The following RUFY2 variants were observed in gnomAD, a reference collection of about 807,000 sequenced individuals.
RUFY2 encodes the protein RUN and FYVE domain-containing protein 2.
Under a neutral mutation model 94.4 loss-of-function variants are expected in RUFY2, and 49 were observed. The ratio of observed to expected loss-of-function variants is 0.52; its 90% CI spans 0.41 to 0.66. RUFY2 has a LOEUF of 0.66. Among genes scored for constraint, RUFY2 ranks in the 30% least tolerant of loss-of-function variants. The probability of loss-of-function intolerance (pLI) is 0.00; values close to 1 mark genes in which losing one functional copy is unlikely to be tolerated. For missense variants in RUFY2, 541 were observed against 692.8 expected (o/e 0.78, Z 2.46); for synonymous variants, 255 against 235.7 (o/e 1.08, Z -0.75).
chr10:68,389,839 A>T (rs2049846269), intron 7 of RUFY2, among the ~76,000 whole-genome samples: 2 of 152,164 alleles, frequency 1.3e-5, no homozygotes, highest in Non-Finnish European at 2.9e-5. Flanking sequence ...GTGTGAAAGT[A>T]TGCTACCTAA....
intron 15 of RUFY2, among the ~76,000 whole-genome samples, chr10:68,359,222 T>C (rs1408713474): frequency 1.3e-5 from 2 of 151,260 alleles, no homozygotes; most frequent in African/African-American, 4.9e-5. Flanking sequence ...CTACTAAAAA[T>C]ACAAAATTAG....
At chr10:68,356,422 C>G (rs780976247) in intron 15 of RUFY2, among the ~76,000 whole-genome samples, 6 of 151,984 alleles carry the variant, frequency 3.9e-5, no homozygotes, top group African/African-American at 7.2e-5. Context: ...AGGAGAATCA[C>G]TTGAACCCCG....
Position 68,404,704 on chromosome 10 carries a change from C to T in RUFY2, c.145G>A (p.Val49Ile), listed in dbSNP as rs746777571. 1 of 1,612,200 alleles carries T rather than the reference C, an allele frequency of 6.2e-7. No individual in the cohort carries two copies. Among genetic ancestry groups the T allele is most frequent in the Non-Finnish European group, 8.5e-7 (1 of 1,179,342 alleles). Residue 49 changes from valine (V) to isoleucine (I), a missense_variant, in exon 2 of 18, where the codon GTT becomes ATT. Physicochemically the swap from Val to Ile is conservative, Grantham distance 29. Transcript: ENST00000602465. ...CCGTGTTTCAGGCAATGTTCCATAA[C>T]AACAAAGAATTGCTGCAAGGGGGGA... ...DYPPLQQFFV[V>I]MEHCLKHGLK...
At chr10:68,357,375 G>A (rs941713951) in intron 15 of RUFY2, among the ~76,000 whole-genome samples, 1 of 151,568 alleles carries the variant, frequency 6.6e-6, no homozygotes, top group Admixed American at 6.6e-5. Flanking sequence ...ATTATAGGCA[G>A]TTGTCACCAC....
chr10:68,377,155 A>AT (rs375886910), intron 12 of RUFY2, 183 bp from the exon 13 acceptor site: 20,579 of 1,120,316 alleles, frequency 0.018, 1 homozygote, highest in East Asian at 0.026. Flanking sequence ...TTGTTTTGTG[A>AT]TTTTTTTTTT....
intron 3 of RUFY2, among the ~76,000 whole-genome samples, chr10:68,398,931 A>G (rs1210992128): frequency 6.6e-6 from 1 of 152,064 alleles, no homozygotes; most frequent in African/African-American, 2.4e-5. Context: ...CAAATCTTAC[A>G]TTTTTGTTTT....
At position 68,376,057 on chromosome 10, in the gene RUFY2, C is replaced by A. The variant is rs1430664875; in HGVS notation, c.1325+796G>T. Reference sequence around the variant, plus strand: ...AGAGGTTGCAGTGAGCCACCAAGGTCGTGCCATTGCACTCCAGCCTGGGCG... The same window carrying A: ...AGAGGTTGCAGTGAGCCACCAAGGTAGTGCCATTGCACTCCAGCCTGGGCG... On this transcript the variant is annotated intron_variant, in intron 13 of 17. Coordinates refer to ENST00000602465, the MANE Select transcript of RUFY2 (RefSeq NM_001330103.2). 3.5e-5 allele frequency among the ~76,000 whole-genome samples: 5 copies of A among 142,802 alleles called. No homozygotes were observed. The East Asian group carries it at 1.1e-3, about 31-fold the overall frequency. The allele number at this position is 142,802 out of a possible 152,430, so 93.7% of individuals were successfully genotyped here. A position where few individuals can be genotyped will look rare whatever the true frequency, so the allele number is the denominator to read the frequency against.
Position 68,362,101 on chromosome 10 carries a change from G to GA in RUFY2, c.1550+1488dup, listed in dbSNP as rs1469307807. On this transcript the variant is annotated intron_variant, in intron 15 of 17. Coordinates refer to ENST00000602465, the MANE Select transcript of RUFY2 (RefSeq NM_001330103.2). Reference sequence around the variant, plus strand: ...GCACTTTGGGAGGCTGAGGCAGGATGATGTCCTGAGCCCAGGAGTTCAAGA... The same window carrying GA: ...GCACTTTGGGAGGCTGAGGCAGGATGAATGTCCTGAGCCCAGGAGTTCAAGA... Among the ~76,000 whole-genome samples the GA allele has an allele frequency of 2.6e-5, 4 of 152,234 alleles. No homozygotes were observed. The South Asian group carries it at 8.3e-4, about 32-fold the overall frequency.
At chr10:68,376,465 T>C (rs1564816156) in intron 13 of RUFY2, among the ~76,000 whole-genome samples, 1 of 33,692 alleles carries the variant, frequency 3.0e-5, no homozygotes, top group Admixed American at 2.8e-4. Context: ...TATATATATA[T>C]ATATATATAT....
intron 16 of RUFY2, among the ~76,000 whole-genome samples, chr10:68,352,859 G>A (rs1218693785): frequency 6.6e-6 from 1 of 151,890 alleles, no homozygotes; most frequent in African/African-American, 2.4e-5. Context: ...GGTGGAGGTT[G>A]CAGTGAGTCA....
chr10:68,384,288 T>G, intron 8 of RUFY2, 136 bp from the exon 9 acceptor site: 1 of 1,187,506 alleles, frequency 8.4e-7, no homozygotes, highest in Non-Finnish European at 1.1e-6. Context: ...CACAGAAACG[T>G]TCATAAGGAA....
At chr10:68,354,613 C>T (rs1163174507) in intron 16 of RUFY2, among the ~76,000 whole-genome samples, 4 of 152,216 alleles carry the variant, frequency 2.6e-5, no homozygotes, top group Non-Finnish European at 5.9e-5. Context: ...GTTCCAACCA[C>T]TTTCACACAC....
chr10:68,395,906 C>T (rs1179379125), intron 4 of RUFY2, among the ~76,000 whole-genome samples: 1 of 152,200 alleles, frequency 6.6e-6, no homozygotes. Context: ...TCTAACAGAA[C>T]AAGAATGAAT....
Position 68,407,122 on chromosome 10 carries a change from C to A in RUFY2, c.4+64G>T. On this transcript the variant is annotated intron_variant, in intron 1 of 17. Transcript: ENST00000602465. ...CTCCCCCAGCTCCCAGTCCACCCCG[C>A]CTGGCCGCGGCCCTCAGCCCGGGAC... 5 of 1,515,692 alleles carry A rather than the reference C, an allele frequency of 3.3e-6. No individual in the cohort carries two copies. The South Asian group carries it at 6.1e-5, about 19-fold the overall frequency. 93.9% of individuals were successfully genotyped at this position (1,515,692 alleles called of 1,614,324 possible).
chr10:68,366,762 T>TATATATA (rs2047862403), intron 13 of RUFY2, among the ~76,000 whole-genome samples: 1 of 123,178 alleles, frequency 8.1e-6, no homozygotes, highest in African/African-American at 2.9e-5. Flanking sequence ...ATATATATAA[T>TATATATA]ATTAAATATA....
chr10:68,348,659 A>G (rs973729626), intron 16 of RUFY2, among the ~76,000 whole-genome samples: 1 of 152,190 alleles, frequency 6.6e-6, no homozygotes, highest in Non-Finnish European at 1.5e-5. Context: ...TCAGGTTCGG[A>G]AACAACCTTG....
At chr10:68,394,775 G>A (rs2050259992) in intron 4 of RUFY2, among the ~76,000 whole-genome samples, 1 of 151,584 alleles carries the variant, frequency 6.6e-6, no homozygotes, top group South Asian at 2.1e-4. Flanking sequence ...GACTACAGGT[G>A]CCCGCCACCG....
At chr10:68,401,285 A>G (rs2050828784) in intron 3 of RUFY2, among the ~76,000 whole-genome samples, 1 of 152,172 alleles carries the variant, frequency 6.6e-6, no homozygotes, top group Non-Finnish European at 1.5e-5. Flanking sequence ...TCTTTCCTCA[A>G]TACTTACTGA....
chr10:68,406,679 C>CT, intron 1 of RUFY2: 2 of 1,360,904 alleles, frequency 1.5e-6, no homozygotes, highest in Non-Finnish European at 2.0e-6. Context: ...TTCCCTGCCT[C>CT]TCTTCCTGCC....
Sources: allele counts gnomAD v4.1 joint callset (sites outside exome capture counted in the v4.1 genomes callset), GRCh38; gene constraint gnomAD v4.1.1; transcripts MANE v1.5; gene names NCBI Gene and HGNC (gene_info 2026-07-23, HGNC 2026-07-21).